CLDN20: variants seen among roughly 807,000 people sequenced by gnomAD.
CLDN20 encodes the protein claudin-20.
For missense variants in CLDN20, 258 were observed against 267.9 expected, an observed-to-expected ratio of 0.96 and a Z score of 0.26; for synonymous variants, 104 against 103.6, an observed-to-expected ratio of 1.00 and a Z score of -0.03.
Position 155,275,743 on chromosome 6 carries a change from C to T in CLDN20, c.24C>T (p.Leu8=), listed in dbSNP as rs1785162201. MASAGLQ[L]LAFILALSGV... ...TCATGGCCTCAGCAGGACTCCAGCTCCTTGCTTTCATCCTGGCCTTATCTG... is the reference window on the plus strand; with the variant it reads ...TCATGGCCTCAGCAGGACTCCAGCTTCTTGCTTTCATCCTGGCCTTATCTG... The change falls in exon 2 of 2, where the codon CTC becomes CTT. Residue 8 remains leucine, a synonymous_variant. Coordinates refer to ENST00000367165, the MANE Select transcript of CLDN20 (RefSeq NM_001001346.3). 6.2e-7 allele frequency: 1 copy of T among 1,613,982 alleles called. No individual in the cohort carries two copies. Among genetic ancestry groups the T allele is most frequent in the Non-Finnish European group, 8.5e-7 (1 of 1,179,908 alleles).
At position 155,275,687 on chromosome 6, in the gene CLDN20, AT is replaced by A. The variant is rs1268803800; in HGVS notation, c.-29del. ...ACAGCCATCATTGTTAAACATCAGG[AT>A]TTTCTAAGAGGACAGACTTAACAGT... On this transcript the variant is annotated 5_prime_UTR_variant, in exon 2 of 2. Coordinates refer to ENST00000367165, the MANE Select transcript of CLDN20 (RefSeq NM_001001346.3). The A allele has an allele frequency of 2.5e-6, 4 of 1,573,118 alleles. No individual in the cohort carries two copies.
chr6:155,268,968 GA>G (rs1165731413), intron 1 of CLDN20, among the ~76,000 whole-genome samples: 8 of 95,026 alleles, frequency 8.4e-5, no homozygotes, highest in African/African-American at 2.5e-4. Flanking sequence ...AAAGAAAAAA[GA>G]AAAAAAATTA....
intron 1 of CLDN20, among the ~76,000 whole-genome samples, chr6:155,269,854 TA>T (rs1305828530): frequency 6.6e-6 from 1 of 152,226 alleles, no homozygotes; most frequent in African/African-American, 2.4e-5. Flanking sequence ...ATTATATACT[TA>T]AAGTCAGTTT....
intron 1 of CLDN20, among the ~76,000 whole-genome samples, chr6:155,267,100 G>T (rs1010859112): frequency 1.1e-4 from 16 of 151,260 alleles, no homozygotes; most frequent in African/African-American, 3.9e-4. Flanking sequence ...TCAGCCTCCT[G>T]AGTAGCTGGA....
intron 1 of CLDN20, among the ~76,000 whole-genome samples, chr6:155,272,436 TGA>T (rs1323060313): frequency 6.6e-6 from 1 of 151,998 alleles, no homozygotes; most frequent in Admixed American, 6.6e-5. Flanking sequence ...TTTGGGACCA[TGA>T]GAGAGTTTTC....
At chr6:155,271,522 T>C (rs1784913757) in intron 1 of CLDN20, among the ~76,000 whole-genome samples, 1 of 152,238 alleles carries the variant, frequency 6.6e-6, no homozygotes. Flanking sequence ...AAGTTGTTGC[T>C]GGGTTTTCTT....
intron 1 of CLDN20, among the ~76,000 whole-genome samples, chr6:155,270,598 G>A (rs916284037): frequency 5.3e-5 from 8 of 152,112 alleles, no homozygotes; most frequent in African/African-American, 1.9e-4. Flanking sequence ...TAATCAACAT[G>A]TTTTGAGAAT....
At chr6:155,264,782 T>C (rs1233552117) in intron 1 of CLDN20, among the ~76,000 whole-genome samples, 1 of 152,004 alleles carries the variant, frequency 6.6e-6, no homozygotes. Flanking sequence ...CTAAGAAATG[T>C]GGTGAGGGGG....
chr6:155,276,013 C>T lies in CLDN20; in HGVS notation c.294C>T (p.Ser98=), dbSNP rs1555774. Residue 98 remains serine (S), a synonymous_variant, in exon 2 of 2, where the codon TCC becomes TCT. Coordinates refer to ENST00000367165, the MANE Select transcript of CLDN20 (RefSeq NM_001001346.3). Reference sequence around the variant, plus strand: ...TGTCTGCTTTGGGGATCTGCACTTCCACAGTAGGAATGAAATGTACTCGCT... The same window carrying T: ...TGTCTGCTTTGGGGATCTGCACTTCTACAGTAGGAATGAAATGTACTCGCT... ...CVLSALGICT[S]TVGMKCTRLG... is the part of the protein sequence containing the mutation. 457,452 of 1,613,840 alleles carry T rather than the reference C, an allele frequency of 0.28. 72,150 individuals carry two copies. The highest frequency in any genetic ancestry group is 0.65 in the East Asian group (29,297 of 44,852).
chr6:155,271,182 T>A (rs191815115), intron 1 of CLDN20, among the ~76,000 whole-genome samples: 94 of 152,348 alleles, frequency 6.2e-4, no homozygotes, highest in African/African-American at 2.1e-3. Flanking sequence ...TTGTTAAATT[T>A]AAAAATCCAA....
chr6:155,266,662 C>T (rs1422314820), intron 1 of CLDN20, among the ~76,000 whole-genome samples: 1 of 151,798 alleles, frequency 6.6e-6, no homozygotes, highest in Non-Finnish European at 1.5e-5. Flanking sequence ...CTGGCTAACA[C>T]GGTGAAACCC....
At chr6:155,264,858 TTAG>T (rs1260209939) in intron 1 of CLDN20, among the ~76,000 whole-genome samples, 2 of 152,172 alleles carry the variant, frequency 1.3e-5, no homozygotes, top group Non-Finnish European at 2.9e-5. Context: ...ATTACACCTA[TTAG>T]TAATAACAAC....
chr6:155,268,819 C>T (rs565593668), intron 1 of CLDN20, among the ~76,000 whole-genome samples: 67 of 150,554 alleles, frequency 4.5e-4, no homozygotes, highest in Non-Finnish European at 7.7e-4. Context: ...TGCGGAAGGC[C>T]GCAGGGTCCT....
At chr6:155,270,217 C>G (rs1047437815) in intron 1 of CLDN20, among the ~76,000 whole-genome samples, 3 of 152,194 alleles carry the variant, frequency 2.0e-5, no homozygotes, top group African/African-American at 7.2e-5. Flanking sequence ...GTCAGGAATT[C>G]AGTTTTGTGC....
intron 1 of CLDN20, among the ~76,000 whole-genome samples, chr6:155,271,976 C>G (rs1784940342): frequency 6.6e-6 from 1 of 152,180 alleles, no homozygotes; most frequent in Non-Finnish European, 1.5e-5. Flanking sequence ...GATGGAGAAC[C>G]TGGTATTTAT....
chr6:155,274,688 G>A lies in CLDN20; in HGVS notation c.-104-928G>A, dbSNP rs145463376. 7.4e-3 allele frequency among the ~76,000 whole-genome samples: 1,120 copies of A among 152,310 alleles called. 13 individuals carry two copies. Among genetic ancestry groups the A allele is most frequent in the African/African-American group, 0.026 (1,065 of 41,560 alleles). ...ACCTCAGTCAGGATTTTGCAAACAG[G>A]TATTAACTAGAACTTAGGGATAACC... is the stretch of plus-strand genomic sequence containing the variant. On this transcript the variant is annotated intron_variant, in intron 1 of 1. Coordinates refer to ENST00000367165, the MANE Select transcript of CLDN20 (RefSeq NM_001001346.3).
At chr6:155,273,402 G>A (rs1382007884) in intron 1 of CLDN20, among the ~76,000 whole-genome samples, 1 of 152,192 alleles carries the variant, frequency 6.6e-6, no homozygotes, top group African/African-American at 2.4e-5. Flanking sequence ...ATGTCTTAGA[G>A]AATCAATGTT....
At chr6:155,265,576 A>T (rs961486667) in intron 1 of CLDN20, among the ~76,000 whole-genome samples, 1 of 151,544 alleles carries the variant, frequency 6.6e-6, no homozygotes, top group African/African-American at 2.4e-5. Flanking sequence ...TAACTATTTT[A>T]TCTTACTCTG....
At chr6:155,274,956 C>T (rs1785099934) in intron 1 of CLDN20, among the ~76,000 whole-genome samples, 1 of 152,150 alleles carries the variant, frequency 6.6e-6, no homozygotes, top group Non-Finnish European at 1.5e-5. Context: ...TGGTGGCTCA[C>T]GCCTGTAATC....
Sources: gnomAD v4.1 joint callset for allele counts (sites outside exome capture counted in the v4.1 genomes callset) on GRCh38, gnomAD v4.1.1 for gene constraint, MANE v1.5 for transcripts, NCBI Gene and HGNC (gene_info 2026-07-23, HGNC 2026-07-21) for gene names.